The following OXR1 variants were observed in gnomAD, a reference collection of about 807,000 sequenced individuals.
The protein encoded by OXR1 is oxidation resistance protein 1.
Under a neutral mutation model 104.6 loss-of-function variants are expected in OXR1, and 41 were observed. That is an observed-to-expected ratio of 0.39 (90% CI 0.31 to 0.51). OXR1 has a LOEUF of 0.51. Ranked by LOEUF, OXR1 falls within the 20% of genes least tolerant of loss-of-function variation. OXR1 has a pLI of 0.77. For synonymous variants in OXR1, 348 were observed against 348.4 expected, an observed-to-expected ratio of 1.00 and a Z score of 0.01; for missense variants, 955 against 1,031.9, an observed-to-expected ratio of 0.93 and a Z score of 1.02.
chr8:106,658,246 C>G, intron 3 of OXR1: 1 of 1,228,716 alleles, frequency 8.1e-7, no homozygotes, highest in East Asian at 3.2e-5. Flanking sequence ...TGTGGGGAGG[C>G]GGCGGTCGTG....
At chr8:106,732,328 A>G (rs1261736559) in intron 11 of OXR1, among the ~76,000 whole-genome samples, 1 of 152,044 alleles carries the variant, frequency 6.6e-6, no homozygotes, top group African/African-American at 2.4e-5. Flanking sequence ...AGACAGTTTT[A>G]TCTCTTTCTT....
chr8:106,710,550 G>A lies in OXR1; in HGVS notation c.1625-72G>A. Reference sequence around the variant, plus strand: ...TGTAACTATTTGTCAGAATTTTGAAGGTAAAGTTAACTAAACTACCTAAAC... The same window carrying A: ...TGTAACTATTTGTCAGAATTTTGAAAGTAAAGTTAACTAAACTACCTAAAC... On this transcript the variant is annotated intron_variant, in intron 9 of 16. Transcript: ENST00000517566. The A allele has an allele frequency of 6.2e-6, 6 of 970,028 alleles. No homozygotes were observed. The South Asian group carries it at 1.1e-4, about 18-fold the overall frequency. The allele number at this position is 970,028 out of a possible 1,614,324, so 60.1% of individuals were successfully genotyped here.
chr8:106,453,071 C>T (rs535990791), intron 2 of OXR1, among the ~76,000 whole-genome samples: 2 of 152,248 alleles, frequency 1.3e-5, no homozygotes, highest in East Asian at 1.9e-4. Flanking sequence ...TTTCTTGCAT[C>T]GTAGAAGAAT....
At chr8:106,679,084 G>A in intron 3 of OXR1, 126 bp from the exon 4 acceptor site, 1 of 486,710 alleles carries the variant, frequency 2.1e-6, no homozygotes, top group Non-Finnish European at 3.7e-6. Context: ...TTACAGCAGA[G>A]CATCCCAGGG....
intron 7 of OXR1, among the ~76,000 whole-genome samples, chr8:106,693,686 CT>C (rs1159540594): frequency 1.3e-5 from 2 of 152,048 alleles, no homozygotes; most frequent in South Asian, 2.1e-4. Context: ...TTGCCTCGGC[CT>C]CCCAAAGTGC....
At chr8:106,467,806 T>G (rs1049807968) in intron 2 of OXR1, among the ~76,000 whole-genome samples, 1 of 151,908 alleles carries the variant, frequency 6.6e-6, no homozygotes, top group African/African-American at 2.4e-5. Flanking sequence ...ACTTCAAGAA[T>G]CTAATCTTTC....
At position 106,706,816 on chromosome 8, in the gene OXR1, G is replaced by T. The variant is rs1340111581; in HGVS notation, c.1295G>T (p.Gly432Val). The T allele has an allele frequency of 6.2e-7, 1 of 1,612,408 alleles. No homozygotes were observed. Among genetic ancestry groups the T allele is most frequent in the South Asian group, 1.1e-5 (1 of 90,568 alleles). Residue 432 changes from glycine to valine, a missense_variant, in exon 9 of 17, where the codon GGA becomes GTA. Around this residue, in one of 2 missense-constraint regions of OXR1, gnomAD observed 849 missense variants for 852.9 expected, o/e 1.00. Transcript: ENST00000517566. ...KEDQIADNFQ[G>V]ISGPKEDSTS... ...GATCAGATTGCAGATAACTTTCAAGGAATATCAGGTCCTAAAGAAGACAGC... is the reference window on the plus strand; with the variant it reads ...GATCAGATTGCAGATAACTTTCAAGTAATATCAGGTCCTAAAGAAGACAGC...
chr8:106,431,149 A>G (rs897127283), intron 2 of OXR1, among the ~76,000 whole-genome samples: 2 of 152,166 alleles, frequency 1.3e-5, no homozygotes, highest in Non-Finnish European at 2.9e-5. Context: ...GCCAGTGTAT[A>G]GGGGTTGTAG....
At chr8:106,557,174 T>C (rs932171619) in intron 3 of OXR1, among the ~76,000 whole-genome samples, 1 of 152,182 alleles carries the variant, frequency 6.6e-6, no homozygotes, top group African/African-American at 2.4e-5. Context: ...TTAAGATTAT[T>C]TTCCTGTTCT....
At chr8:106,329,420 T>C (rs959016607) in intron 1 of OXR1, among the ~76,000 whole-genome samples, 4 of 150,570 alleles carry the variant, frequency 2.7e-5, no homozygotes, top group African/African-American at 9.8e-5. Context: ...TGATCTCAGC[T>C]CACTGCAAGC....
intron 2 of OXR1, among the ~76,000 whole-genome samples, chr8:106,482,716 C>A (rs1360294239): frequency 6.6e-6 from 1 of 151,924 alleles, no homozygotes; most frequent in Non-Finnish European, 1.5e-5. Flanking sequence ...CAAAATACAT[C>A]TCCTTCATCT....
chr8:106,429,770 T>C (rs1819285490), intron 2 of OXR1, among the ~76,000 whole-genome samples: 1 of 152,108 alleles, frequency 6.6e-6, no homozygotes, highest in Admixed American at 6.6e-5. Flanking sequence ...ATTTTTTTTT[T>C]CCTCTTTCCA....
At chr8:106,370,889 T>C (rs1360429489) in intron 2 of OXR1, among the ~76,000 whole-genome samples, 1 of 152,224 alleles carries the variant, frequency 6.6e-6, no homozygotes, top group Non-Finnish European at 1.5e-5. Flanking sequence ...CTGGGTTTGG[T>C]ATCAGGATGA....
chr8:106,739,067 A>G (rs1029763538), intron 12 of OXR1, among the ~76,000 whole-genome samples: 6 of 116,200 alleles, frequency 5.2e-5, no homozygotes, highest in African/African-American at 1.9e-4. Context: ...ATTCTATTTT[A>G]AATAGCATAC....
At chr8:106,454,861 C>T (rs1177003890) in intron 2 of OXR1, among the ~76,000 whole-genome samples, 3 of 152,130 alleles carry the variant, frequency 2.0e-5, no homozygotes, top group Non-Finnish European at 4.4e-5. Context: ...TTGCCATCTT[C>T]AAGCCTTTCT....
intron 2 of OXR1, among the ~76,000 whole-genome samples, chr8:106,368,653 T>C (rs1315594163): frequency 6.6e-6 from 1 of 151,956 alleles, no homozygotes; most frequent in Non-Finnish European, 1.5e-5. Context: ...ACACACGGTG[T>C]TTGGTTTTCT....
intron 2 of OXR1, among the ~76,000 whole-genome samples, chr8:106,447,037 A>G (rs1820038027): frequency 6.6e-6 from 1 of 152,226 alleles, no homozygotes; most frequent in East Asian, 1.9e-4. Context: ...TATTCCTTAA[A>G]AGACACATAG....
intron 2 of OXR1, among the ~76,000 whole-genome samples, chr8:106,468,130 ATGTT>A (rs1361949533): frequency 6.6e-6 from 1 of 151,830 alleles, no homozygotes; most frequent in Non-Finnish European, 1.5e-5. Flanking sequence ...TTAATGATAA[ATGTT>A]TGTCCAACAC....
rs760744812 is a variant in OXR1, at chr8:106,716,630, CAAAAAAAAAAAAA to C, written c.1956+2664_1956+2676del. Among the ~76,000 whole-genome samples, 28 of 71,474 alleles carry C rather than the reference CAAAAAAAAAAAAA, an allele frequency of 3.9e-4. 3 individuals carry two copies. Among genetic ancestry groups the C allele is most frequent in the Non-Finnish European group, 6.1e-4 (20 of 32,702 alleles). The allele number at this position is 71,474 out of a possible 152,430, so 46.9% of individuals were successfully genotyped here. Reference sequence around the variant, plus strand: ...TGGGCGACAGAGCGAGACTCCGTCTCAAAAAAAAAAAAAAAAAAAAAAAAAAAAAAATACACAC... The same window carrying C: ...TGGGCGACAGAGCGAGACTCCGTCTCAAAAAAAAAAAAAAAAAATACACAC... On this transcript the variant is annotated intron_variant, in intron 11 of 16. Coordinates refer to ENST00000517566, the MANE Select transcript of OXR1 (RefSeq NM_001198533.2).
Sources: allele counts gnomAD v4.1 joint callset (sites outside exome capture counted in the v4.1 genomes callset), GRCh38; gene constraint gnomAD v4.1.1; regional missense constraint gnomAD v4.1.1; transcripts MANE v1.5; gene names NCBI Gene and HGNC (gene_info 2026-07-23, HGNC 2026-07-21).